The following UFSP2 variants were observed in gnomAD, a reference collection of about 807,000 sequenced individuals.
UFSP2 encodes ufm1-specific protease 2.
Under a neutral mutation model 60.2 loss-of-function variants are expected in UFSP2, and 43 were observed. The ratio of observed to expected loss-of-function variants is 0.71; its 90% CI spans 0.56 to 0.92. The LOEUF is 0.92. Ranked by LOEUF, UFSP2 falls within the 40% of genes least tolerant of loss-of-function variation. The probability of loss-of-function intolerance (pLI) is 0.00; values close to 1 mark genes in which losing one functional copy is unlikely to be tolerated. For synonymous variants in UFSP2, 183 were observed against 195.1 expected, an observed-to-expected ratio of 0.94 and a Z score of 0.52; for missense variants, 520 against 575.0, an observed-to-expected ratio of 0.90 and a Z score of 0.98.
At position 185,418,381 on chromosome 4, in the gene UFSP2, C is replaced by G. The variant is rs1235074756; in HGVS notation, c.333+60G>C. On this transcript the variant is annotated intron_variant, in intron 4 of 11. Coordinates refer to ENST00000264689, the MANE Select transcript of UFSP2 (RefSeq NM_018359.5). ...GTTAAATTATTTCTAAGATTGCACT[C>G]AGTTCCAAATCCAAAGATTTAACAT... 6 of 1,293,150 alleles carry G rather than the reference C, an allele frequency of 4.6e-6. No individual in the cohort carries two copies. In the Admixed American group the frequency reaches 6.5e-5, roughly 14 times the overall value. The allele number at this position is 1,293,150 out of a possible 1,614,324, so 80.1% of individuals were successfully genotyped here. A position where few individuals can be genotyped will look rare whatever the true frequency, so the allele number is the denominator to read the frequency against.
intron 4 of UFSP2, 153 bp from the exon 5 acceptor site, chr4:185,416,020 C>G: frequency 1.8e-6 from 1 of 548,174 alleles, no homozygotes; most frequent in Non-Finnish European, 3.0e-6. Context: ...GAGTAGAGAA[C>G]AAGGAGTTCA....
At chr4:185,406,147 A>T (rs754403630) in intron 9 of UFSP2, 91 of 396,428 alleles carry the variant, frequency 2.3e-4, no homozygotes, top group Non-Finnish European at 3.7e-4. Context: ...ACATGAAGTT[A>T]AAACATCACC....
At chr4:185,421,566 C>G (rs1200929319) in intron 2 of UFSP2, among the ~76,000 whole-genome samples, 1 of 152,184 alleles carries the variant, frequency 6.6e-6, no homozygotes, top group African/African-American at 2.4e-5. Flanking sequence ...ACTGCCCCCT[C>G]CTTTGCCTTC....
At position 185,418,611 on chromosome 4, in the gene UFSP2, C is replaced by A; in HGVS notation, c.242G>T (p.Cys81Phe). The A allele has an allele frequency of 3.7e-6, 6 of 1,613,390 alleles. No homozygotes were observed. The highest frequency in any genetic ancestry group is 5.1e-6 in the Non-Finnish European group (6 of 1,179,844). Residue 81 changes from cysteine to phenylalanine, a missense_variant, in exon 3 of 12, where the codon TGT becomes TTT. Cys to Phe is a radical substitution (Grantham distance 205). Coordinates refer to ENST00000264689, the MANE Select transcript of UFSP2 (RefSeq NM_018359.5). The stretch of plus-strand genomic sequence containing the variant: ...CTGAATAAAGCGCAGTATGTTCTTA[C>A]AAGCAGAAGCATCAGTCAGTTCTCC... ...IPGELTDASACKNILRFIQFE... is the reference protein window; with the variant it reads ...IPGELTDASAFKNILRFIQFE...
intron 7 of UFSP2, among the ~76,000 whole-genome samples, chr4:185,410,335 A>C (rs2095527046): frequency 6.6e-6 from 1 of 152,176 alleles, no homozygotes. Flanking sequence ...TTTGCTTGAA[A>C]TTTAAAAGCT....
rs371827942 is a variant in UFSP2, at chr4:185,405,793, A to T, written c.1185T>A (p.Thr395=). The change falls in exon 10 of 12, where the codon ACT becomes ACA. Residue 395 remains threonine (T), a synonymous_variant. Coordinates refer to ENST00000264689, the MANE Select transcript of UFSP2 (RefSeq NM_018359.5). ...ELANHFQSEG[T]PVMIGGGVLA... ...GAAACAGCTTACCGATCATAACTGG[A>T]GTTCCTTCACTTTGGAAATGATTAG... 2 of 1,613,978 alleles carry T rather than the reference A, an allele frequency of 1.2e-6. No homozygotes were observed. The highest frequency in any genetic ancestry group is 2.7e-5 in the African/African-American group (2 of 74,928).
Position 185,407,948 on chromosome 4 carries a change from A to G in UFSP2, c.1109T>C (p.Ile370Thr). 6.2e-7 allele frequency: 1 copy of G among 1,613,762 alleles called. No homozygotes were observed. The highest frequency in any genetic ancestry group is 8.5e-7 in the Non-Finnish European group (1 of 1,179,900). The change falls in exon 9 of 12, where the codon ATC becomes ACC. Residue 370 changes from isoleucine to threonine, a missense_variant. Ile to Thr is a moderately conservative substitution (Grantham distance 89). Coordinates refer to ENST00000264689, the MANE Select transcript of UFSP2 (RefSeq NM_018359.5). The part of the protein sequence containing the change: ...LNQLIGITSK[I>T]LFVSQGSEIA... ...AAAGTGTGCTTACCTGACAAACAGG[A>G]TTTTTGACGTTATACCGATCAATTG...
chr4:185,402,350 A>G (rs962581384), intron 11 of UFSP2: 13 of 454,072 alleles, frequency 2.9e-5, no homozygotes. Context: ...AAATGCTGTG[A>G]AAGAGAAAAG....
intron 6 of UFSP2, 50 bp from the exon 7 acceptor site, chr4:185,413,922 A>G: frequency 6.7e-7 from 1 of 1,482,912 alleles, no homozygotes; most frequent in Non-Finnish European, 9.1e-7. Flanking sequence ...GGTGATTTAG[A>G]TTCCTAGTCA....
At chr4:185,402,434 G>T in intron 11 of UFSP2, 1 of 393,098 alleles carries the variant, frequency 2.5e-6, no homozygotes, top group Non-Finnish European at 4.9e-6. Context: ...ATAAACAAAA[G>T]ACTTCAGTAA....
rs3733646 is a variant in UFSP2, at chr4:185,400,293, C to G, written c.*99G>C. ...CTTTGAAAAAGGTCATAATTTAAAT[C>G]GTCAAACTAGAACCAGGATTTAATG... On this transcript the variant is annotated 3_prime_UTR_variant, in exon 12 of 12. Transcript: ENST00000264689. The G allele has an allele frequency of 0.69, 690,108 of 994,320 alleles. 247,205 individuals carry two copies. The highest frequency in any genetic ancestry group is 0.83 in the East Asian group (34,096 of 40,878). 61.6% of individuals were successfully genotyped at this position (994,320 alleles called of 1,614,324 possible).
chr4:185,424,407 A>G (rs2095555319), intron 1 of UFSP2, among the ~76,000 whole-genome samples: 1 of 152,224 alleles, frequency 6.6e-6, no homozygotes, highest in East Asian at 1.9e-4. Context: ...GTACCAATAC[A>G]GTTTTTCTCA....
At chr4:185,412,542 G>A (rs1561114370) in intron 7 of UFSP2, among the ~76,000 whole-genome samples, 1 of 152,162 alleles carries the variant, frequency 6.6e-6, no homozygotes, top group Non-Finnish European at 1.5e-5. Context: ...AATCTGAACT[G>A]AGAGGTGCAG....
Position 185,406,102 on chromosome 4 carries a change from C to T in UFSP2, c.1122-246G>A. On this transcript the variant is annotated intron_variant, in intron 9 of 11. Transcript: ENST00000264689. ...GACGCTAAAAGACCTTGATTTTCTGCTTCTTGAACTGTATAAAGGAGGCCT... is the reference window on the plus strand; with the variant it reads ...GACGCTAAAAGACCTTGATTTTCTGTTTCTTGAACTGTATAAAGGAGGCCT... The T allele has an allele frequency of 4.7e-6, 3 of 636,340 alleles. No homozygotes were observed. In the South Asian group the frequency reaches 5.6e-5, roughly 12 times the overall value. 39.4% of individuals were successfully genotyped at this position (636,340 alleles called of 1,614,324 possible).
At chr4:185,400,701 C>T (rs1012081598) in intron 11 of UFSP2, 1 of 391,184 alleles carries the variant, frequency 2.6e-6, no homozygotes, top group Non-Finnish European at 4.5e-6. Context: ...TCATAAAAAT[C>T]ATTAAAAAAA....
At chr4:185,424,070 G>C (rs1425264153) in intron 1 of UFSP2, among the ~76,000 whole-genome samples, 2 of 151,932 alleles carry the variant, frequency 1.3e-5, no homozygotes, top group African/African-American at 2.4e-5. Context: ...GGAGGCAGAG[G>C]CAGGAGGATC....
chr4:185,408,014 C>T lies in UFSP2; in HGVS notation c.1043G>A (p.Arg348Gln), dbSNP rs543825767. Reference sequence around the variant, plus strand: ...CACCTCAATAGATCCAATCCATTGCCGCGATCCGACAAATGTTGCTGGTTT... The same window carrying T: ...CACCTCAATAGATCCAATCCATTGCTGCGATCCGACAAATGTTGCTGGTTT... ...GDKPATFVGS[R>Q]QWIGSIEVQL... The change falls in exon 9 of 12, where the codon CGG becomes CAG. Residue 348 changes from arginine (R) to glutamine (Q), a missense_variant. Arg to Gln is a conservative substitution (Grantham distance 43, BLOSUM62 1). Transcript: ENST00000264689. 66 of 1,613,752 alleles carry T rather than the reference C, an allele frequency of 4.1e-5. No homozygotes were observed. In the South Asian group the frequency reaches 4.5e-4, roughly 11 times the overall value.
chr4:185,422,016 G>A (rs186762338), intron 2 of UFSP2, among the ~76,000 whole-genome samples: 88 of 152,288 alleles, frequency 5.8e-4, no homozygotes, highest in African/African-American at 1.9e-3. Flanking sequence ...TGTGGCTGTA[G>A]TTCAAGTCAG....
Position 185,399,877 on chromosome 4 carries a change from T to C in UFSP2, c.*515A>G. 2 of 1,547,606 alleles carry C rather than the reference T, an allele frequency of 1.3e-6. No homozygotes were observed. The highest frequency in any genetic ancestry group is 1.7e-6 in the Non-Finnish European group (2 of 1,147,264). On this transcript the variant is annotated 3_prime_UTR_variant, in exon 12 of 12. Coordinates refer to ENST00000264689, the MANE Select transcript of UFSP2 (RefSeq NM_018359.5). ...CTGACACTCGTATTTCTAGTAGTAT[T>C]GTTTCATTCTCATTAACATTTTAGT...
Sources: gnomAD v4.1 joint callset for allele counts (sites outside exome capture counted in the v4.1 genomes callset) on GRCh38, gnomAD v4.1.1 for gene constraint, MANE v1.5 for transcripts, NCBI Gene and HGNC (gene_info 2026-07-23, HGNC 2026-07-21) for gene names.